Variants in RELT observed in about 807,000 individuals in gnomAD.
RELT encodes RELT TNF receptor, also known as tumor necrosis factor receptor superfamily member 19L.
Under a neutral mutation model 51.1 loss-of-function variants are expected in RELT, and 37 were observed. The ratio of observed to expected loss-of-function variants is 0.72; its 90% confidence interval spans 0.56 to 0.95. The LOEUF (loss-of-function observed/expected upper bound fraction) is 0.95, where lower values mean the gene tolerates loss of function less well. Among genes scored for constraint, RELT ranks in the 40% least tolerant of loss-of-function variants. RELT has a pLI of 0.00. For missense variants in RELT, 535 were observed against 572.6 expected (o/e 0.93, Z 0.67); for synonymous variants, 241 against 235.7 (o/e 1.02, Z -0.21).
Position 73,394,232 on chromosome 11 carries a change from A to T in RELT, c.707-4A>T, listed in dbSNP as rs369792827. The T allele has an allele frequency of 2.3e-5, 37 of 1,600,956 alleles. No homozygotes were observed. The highest frequency in any genetic ancestry group is 3.2e-5 in the Non-Finnish European group (37 of 1,174,236). On this transcript the variant is annotated splice_polypyrimidine_tract_variant and splice_region_variant and intron_variant, in intron 7 of 10. Coordinates refer to ENST00000064780, the MANE Select transcript of RELT (RefSeq NM_152222.2). The surrounding 1 kb of genome is among the most constrained non-coding windows in gnomAD (Gnocchi z 4.9). ...AGTGAGGGTCTGACTGCAGCTACCC[A>T]CAGAGAATGCTGCGGCCCTGGAGGA...
In RELT at chr11:73,388,880, T is replaced by TCTTCCTGC. The variant is rs1387588716; in HGVS notation, c.-25-221_-25-214dup. ...GGAAGCCTCCCAGCCTGCAGAGCCT[T>TCTTCCTGC]CTTCCTGCCTTCCTGCCTGTGCTGC... On this transcript the variant is annotated intron_variant, in intron 1 of 10. Coordinates refer to ENST00000064780, the MANE Select transcript of RELT (RefSeq NM_152222.2). The surrounding 1 kb of genome is among the most constrained non-coding windows in gnomAD (Gnocchi z 4.1). 6.6e-6 allele frequency among the ~76,000 whole-genome samples: 1 copy of TCTTCCTGC among 152,140 alleles called. No homozygotes were observed. The highest frequency in any genetic ancestry group is 1.5e-5 in the Non-Finnish European group (1 of 67,998).
At chr11:73,392,122 A>T (rs962618076) in intron 5 of RELT, 89 bp from the exon 6 acceptor site, 9 of 1,460,036 alleles carry the variant, frequency 6.2e-6, no homozygotes, top group Non-Finnish European at 8.3e-6. Context: ...GCTCTCCTGC[A>T]GCCCCCACTG....
chr11:73,394,637 A>G lies in RELT; in HGVS notation c.949A>G (p.Thr317Ala), dbSNP rs771912210. 4 of 1,613,394 alleles carry G rather than the reference A, an allele frequency of 2.5e-6. No homozygotes were observed. Among genetic ancestry groups the G allele is most frequent in the Non-Finnish European group, 3.4e-6 (4 of 1,179,924 alleles). The change falls in exon 9 of 11, where the codon ACT becomes GCT. Residue 317 changes from threonine to alanine, a missense_variant. Thr to Ala is a moderately conservative substitution (Grantham distance 58). Coordinates refer to ENST00000064780, the MANE Select transcript of RELT (RefSeq NM_152222.2). The surrounding 1 kb of genome is among the most constrained non-coding windows in gnomAD (Gnocchi z 4.9). Reference sequence around the variant, plus strand: ...GTCCCCTGAGGCTGTAGCCGCCACTACTCCTGTTCCCAGCCTTCTGCCTAA... The same window carrying G: ...GTCCCCTGAGGCTGTAGCCGCCACTGCTCCTGTTCCCAGCCTTCTGCCTAA... Reference protein sequence around the residue: ...LLSPEAVAATTPVPSLLPNPT... With the variant: ...LLSPEAVAATAPVPSLLPNPT...
At position 73,394,909 on chromosome 11, in the gene RELT, G is replaced by A; in HGVS notation, c.1046+175G>A. On this transcript the variant is annotated intron_variant, in intron 9 of 10. Coordinates refer to ENST00000064780, the MANE Select transcript of RELT (RefSeq NM_152222.2). The surrounding 1 kb of genome is among the most constrained non-coding windows in gnomAD (Gnocchi z 4.9). ...AGAGAGATCAGGACTTTCCGGTTATGTTGTGTCTCACATGGAGCCCTTGCA... is the reference window on the plus strand; with the variant it reads ...AGAGAGATCAGGACTTTCCGGTTATATTGTGTCTCACATGGAGCCCTTGCA... 1 of 916,716 alleles carries A rather than the reference G, an allele frequency of 1.1e-6. No homozygotes were observed. The highest frequency in any genetic ancestry group is 1.7e-5 in the African/African-American group (1 of 59,974). The allele number at this position is 916,716 out of a possible 1,614,324, so 56.8% of individuals were successfully genotyped here. A position where few individuals can be genotyped will look rare whatever the true frequency, so the allele number is the denominator to read the frequency against.
intron 1 of RELT, among the ~76,000 whole-genome samples, chr11:73,377,176 TGTGA>T (rs2134433798): frequency 6.6e-6 from 1 of 151,750 alleles, no homozygotes; most frequent in South Asian, 2.1e-4. Flanking sequence ...CACCCGTTAC[TGTGA>T]GTGTGAAATA....
chr11:73,384,160 C>T (rs561018415), intron 1 of RELT, among the ~76,000 whole-genome samples: 45 of 152,294 alleles, frequency 3.0e-4, no homozygotes, highest in African/African-American at 9.9e-4. Context: ...CCTGGGGAGC[C>T]TGCTGAGACC....
At chr11:73,393,194 CG>C (rs1318156535) in intron 6 of RELT, 16 of 999,094 alleles carry the variant, frequency 1.6e-5, no homozygotes, top group Non-Finnish European at 1.9e-5. Flanking sequence ...GGGCAGGAAG[CG>C]GACAGGAGCA....
In RELT at chr11:73,394,109, G is replaced by T; in HGVS notation, c.707-127G>T. 9.8e-7 allele frequency: 1 copy of T among 1,023,084 alleles called. No homozygotes were observed. 63.4% of individuals were successfully genotyped at this position (1,023,084 alleles called of 1,614,324 possible). ...CCATTCTTGCCTGATGAAGTGGGAG[G>T]AAAAGGCGCACAGCCCAGGCTGGGA... On this transcript the variant is annotated intron_variant, in intron 7 of 10. Coordinates refer to ENST00000064780, the MANE Select transcript of RELT (RefSeq NM_152222.2). This position sits in a 1 kb window ranked among gnomAD's most constrained non-coding sequence, Gnocchi z 4.9.
rs558872640 is a variant in RELT at position 73,388,173 on chromosome 11, A to G, written c.-25-939A>G. 5.9e-5 allele frequency among the ~76,000 whole-genome samples: 9 copies of G among 152,144 alleles called. No individual in the cohort carries two copies. Among genetic ancestry groups the G allele is most frequent in the Admixed American group, 2.0e-4 (3 of 15,284 alleles). On this transcript the variant is annotated intron_variant, in intron 1 of 10. Transcript: ENST00000064780. The surrounding 1 kb of genome is among the most constrained non-coding windows in gnomAD (Gnocchi z 4.1). ...TGGATATTTCTCTGAAGTATCACAC[A>G]CTGCACTCCCACTCTGCTTTATTTC... is the stretch of plus-strand genomic sequence containing the variant.
intron 1 of RELT, among the ~76,000 whole-genome samples, chr11:73,377,249 G>C (rs890749554): frequency 2.2e-5 from 3 of 135,732 alleles, no homozygotes; most frequent in African/African-American, 6.7e-5. Flanking sequence ...CATGGTGTGC[G>C]TGTGGGGTCA....
Position 73,383,516 on chromosome 11 carries a change from A to G in RELT, c.-25-5596A>G, listed in dbSNP as rs986788936. 3.9e-5 allele frequency among the ~76,000 whole-genome samples: 6 copies of G among 152,248 alleles called. 1 individual carries two copies. Among genetic ancestry groups the G allele is most frequent in the Admixed American group, 3.3e-4 (5 of 15,286 alleles). ...CCTGGGTCCTTAGTAACAGACCCTC[A>G]GTTGAGCCACCTACTGGGTGCTACT... On this transcript the variant is annotated intron_variant, in intron 1 of 10. Coordinates refer to ENST00000064780, the MANE Select transcript of RELT (RefSeq NM_152222.2).
Position 73,389,275 on chromosome 11 carries a change from C to A in RELT, c.45+94C>A, listed in dbSNP as rs11826909. ...GGTGCAGACACTCCCGGGGAACCCC[C>A]TGCTGGGCAGGGCTCAGTTACTCAG... On this transcript the variant is annotated intron_variant, in intron 2 of 10. Transcript: ENST00000064780. The A allele has an allele frequency of 8.0e-6, 7 of 872,102 alleles. No homozygotes were observed. The African/African-American group carries it at 9.0e-5, about 11-fold the overall frequency. The allele number at this position is 872,102 out of a possible 1,614,324, so 54.0% of individuals were successfully genotyped here.
At position 73,392,326 on chromosome 11, in the gene RELT, C is replaced by A; in HGVS notation, c.483C>A (p.Ala161=). 1 of 1,613,694 alleles carries A rather than the reference C, an allele frequency of 6.2e-7. No homozygotes were observed. The highest frequency in any genetic ancestry group is 8.5e-7 in the Non-Finnish European group (1 of 1,179,918). Residue 161 remains alanine (A), a synonymous_variant, in exon 6 of 11, where the codon GCC becomes GCA. Transcript: ENST00000064780. ...CAGGTGGCCCAGAGGAGACAGCCGC[C>A]CAGTACGCGGTCATCGCCATCGTCC... The part of the protein sequence containing the change: ...TRAGGPEETA[A]QYAVIAIVPV...
At position 73,388,908 on chromosome 11, in the gene RELT, C is replaced by T. The variant is rs965188222; in HGVS notation, c.-25-204C>T. On this transcript the variant is annotated intron_variant, in intron 1 of 10. Transcript: ENST00000064780. This position sits in a 1 kb window ranked among gnomAD's most constrained non-coding sequence, Gnocchi z 4.1. ...TCCTGCCTTCCTGCCTGTGCTGCCC[C>T]GTGAGGCCGGCTCCCAGGCAGGGCA... 3.3e-5 allele frequency among the ~76,000 whole-genome samples: 5 copies of T among 152,330 alleles called. No individual in the cohort carries two copies. Among genetic ancestry groups the T allele is most frequent in the South Asian group, 2.1e-4 (1 of 4,828 alleles).
At chr11:73,381,478 C>T (rs558324608) in intron 1 of RELT, among the ~76,000 whole-genome samples, 6 of 152,176 alleles carry the variant, frequency 3.9e-5, no homozygotes, top group Admixed American at 6.5e-5. Flanking sequence ...CACCCCTTCT[C>T]GAGGAATCAA....
In RELT at chr11:73,394,337, A is replaced by G. The variant is rs1348378897; in HGVS notation, c.788+20A>G. 1.2e-6 allele frequency: 2 copies of G among 1,612,630 alleles called. No homozygotes were observed. Among genetic ancestry groups the G allele is most frequent in the South Asian group, 2.2e-5 (2 of 91,018 alleles). On this transcript the variant is annotated intron_variant, in intron 8 of 10. Coordinates refer to ENST00000064780, the MANE Select transcript of RELT (RefSeq NM_152222.2). The surrounding 1 kb of genome is among the most constrained non-coding windows in gnomAD (Gnocchi z 4.9). ...GTCCAAGTGAGTGGGCTGGTGGGAG[A>G]TAACGGGGCCAAAACCTACATTAAC...
At position 73,396,182 on chromosome 11, in the gene RELT, G is replaced by C. The variant is rs1051873355; in HGVS notation, c.*691G>C. 2.0e-5 allele frequency: 3 copies of C among 152,800 alleles called. No individual in the cohort carries two copies. Among genetic ancestry groups the C allele is most frequent in the African/African-American group, 7.2e-5 (3 of 41,464 alleles). The allele number at this position is 152,800 out of a possible 1,614,324, so 9.5% of individuals were successfully genotyped here. The stretch of plus-strand genomic sequence containing the variant: ...TCCAGCCCCGTTTTTGCTGCTTCCA[G>C]GGCCTCTGCCTTCAAGGCCCCCATG... On this transcript the variant is annotated 3_prime_UTR_variant, in exon 11 of 11. Transcript: ENST00000064780.
rs766225960 is a variant in RELT, at chr11:73,393,862, G to A, written c.651G>A (p.Glu217=). The A allele has an allele frequency of 1.9e-6, 3 of 1,614,094 alleles. No individual in the cohort carries two copies. Among genetic ancestry groups the A allele is most frequent in the Non-Finnish European group, 2.5e-6 (3 of 1,179,988 alleles). ...GAATCAACCCTGCCTACCGGACTGA[G>A]GATGCCAATGAGGACACCATTGGGG... ...GSGINPAYRT[E]DANEDTIGVL... Residue 217 remains glutamate, a synonymous_variant, in exon 7 of 11, where the codon GAG becomes GAA. Coordinates refer to ENST00000064780, the MANE Select transcript of RELT (RefSeq NM_152222.2).
At chr11:73,392,952 C>A in intron 6 of RELT, 5 of 1,005,434 alleles carry the variant, frequency 5.0e-6, no homozygotes, top group Non-Finnish European at 5.9e-6. Flanking sequence ...ACCGGAGGGA[C>A]AGGCATGCGC....
Sources: allele counts gnomAD v4.1 joint callset (sites outside exome capture counted in the v4.1 genomes callset), GRCh38; gene constraint gnomAD v4.1.1; non-coding constraint Gnocchi (gnomAD v3.1); transcripts MANE v1.5; gene names NCBI Gene and HGNC (gene_info 2026-07-23, HGNC 2026-07-21).